The following PZP variants were observed in gnomAD, a reference collection of about 807,000 sequenced individuals.
PZP encodes the protein PZP alpha-2-macroglobulin like.
PZP carries 150 observed loss-of-function variants against 179.8 expected under a neutral mutation model. The observed-to-expected ratio is 0.83, with a 90% confidence interval of 0.73 to 0.96. The LOEUF is 0.96. Ranked by LOEUF, PZP falls within the 40% of genes least tolerant of loss-of-function variation. PZP has a pLI of 0.00. For missense variants in PZP, 1,689 were observed against 1,764.0 expected (o/e 0.96, Z 0.76); for synonymous variants, 624 against 652.3 (o/e 0.96, Z 0.66).
At chr12:9,161,308 T>C (rs900903631) in intron 22 of PZP, among the ~76,000 whole-genome samples, 192 bp from the exon 23 acceptor site, 5 of 152,232 alleles carry the variant, frequency 3.3e-5, no homozygotes, top group Non-Finnish European at 5.9e-5. Context: ...ATCTGCAACA[T>C]ATTCAATTTC....
At chr12:9,182,628 T>C (rs1942843255) in intron 13 of PZP, among the ~76,000 whole-genome samples, 1 of 152,216 alleles carries the variant, frequency 6.6e-6, no homozygotes, top group South Asian at 2.1e-4. Context: ...TAAACTCTTA[T>C]AAGTACATTG....
At chr12:9,169,646 A>G in intron 15 of PZP, 55 bp from the exon 16 acceptor site, 3 of 1,450,674 alleles carry the variant, frequency 2.1e-6, no homozygotes, top group Non-Finnish European at 2.8e-6. Flanking sequence ...CTTTTGAAAT[A>G]GAATGAACTG....
Position 9,150,627 on chromosome 12 carries a change from A to G in PZP, c.4384+17T>C. The G allele has an allele frequency of 6.5e-7, 1 of 1,534,132 alleles. No individual in the cohort carries two copies. Among genetic ancestry groups the G allele is most frequent in the African/African-American group, 1.4e-5 (1 of 73,004 alleles). On this transcript the variant is annotated intron_variant, in intron 34 of 35. Coordinates refer to ENST00000261336, the MANE Select transcript of PZP (RefSeq NM_002864.3). ...TCTTGGCTCTGGTTAAGATTGTTTC[A>G]TTTTTCTTTCACTCACCTGTCTCAT...
At chr12:9,138,116 T>C in the PZP span, among the ~76,000 whole-genome samples, 230 of 152,168 alleles carry the variant, frequency 1.5e-3, 1 homozygote, top group Admixed American at 2.8e-3. Context: ...GGAAAAGCTT[T>C]CAACTTTTCA....
At chr12:9,182,174 A>C in intron 13 of PZP, 57 bp from the exon 14 acceptor site, 1 of 166,776 alleles carries the variant, frequency 6.0e-6, no homozygotes, top group Non-Finnish European at 9.5e-6. Flanking sequence ...AAGGTCATAA[A>C]AATAGTGTCA....
intron 28 of PZP, chr12:9,155,956 C>A: frequency 6.2e-6 from 1 of 161,552 alleles, no homozygotes; most frequent in South Asian, 1.8e-4. Flanking sequence ...GCAGAGGCAG[C>A]ATGCCATATG....
At chr12:9,202,233 C>T (rs1944204109) in intron 4 of PZP, 86 bp downstream of exon 4, 1 of 1,237,630 alleles carries the variant, frequency 8.1e-7, no homozygotes, top group Non-Finnish European at 1.2e-6. Context: ...CTTTCATCCT[C>T]TCGCTTTTCT....
rs780071445 is a variant in PZP, at chr12:9,170,560, C to T, written c.1840-969G>A. Among the ~76,000 whole-genome samples the T allele has an allele frequency of 2.0e-5, 3 of 152,182 alleles. No individual in the cohort carries two copies. Among genetic ancestry groups the T allele is most frequent in the South Asian group, 2.1e-4 (1 of 4,820 alleles). On this transcript the variant is annotated intron_variant, in intron 15 of 35. Transcript: ENST00000261336. This position sits in a 1 kb window ranked among gnomAD's most constrained non-coding sequence, Gnocchi z 4.6. ...CTGTCTTGGAATCTCAGCCAGCCGA[C>T]GGCAGTGGGTTGGAGTCCACCTGAG...
At position 9,203,758 on chromosome 12, in the gene PZP, T is replaced by C; in HGVS notation, c.267+10A>G. The C allele has an allele frequency of 1.2e-6, 2 of 1,613,834 alleles. No homozygotes were observed. Among genetic ancestry groups the C allele is most frequent in the East Asian group, 2.2e-5 (1 of 44,852 alleles). On this transcript the variant is annotated intron_variant, in intron 2 of 35. Transcript: ENST00000261336. ...AAGCAGGGATAGCCAGCTGGCACCG[T>C]AGCACTCACAGTGAAGGAGACACAG...
chr12:9,164,100 G>C (rs773802425), intron 20 of PZP, 33 bp downstream of exon 20: 2 of 1,588,764 alleles, frequency 1.3e-6, no homozygotes, highest in East Asian at 4.5e-5. Flanking sequence ...CGTCCTTGTT[G>C]ATTGATAGGC....
intron 29 of PZP, among the ~76,000 whole-genome samples, 190 bp downstream of exon 29, chr12:9,154,426 T>A (rs1272824861): frequency 6.6e-6 from 1 of 152,218 alleles, no homozygotes; most frequent in Non-Finnish European, 1.5e-5. Flanking sequence ...TATATTAACA[T>A]AGGGCTTAGT....
At chr12:9,177,317 G>C (rs1942446370) in intron 15 of PZP, among the ~76,000 whole-genome samples, 1 of 152,202 alleles carries the variant, frequency 6.6e-6, no homozygotes, top group Admixed American at 6.5e-5. Flanking sequence ...TGTGTGGTGA[G>C]GAACTGAGGC....
chr12:9,157,950 C>A (rs761388052), intron 26 of PZP, 109 bp from the exon 27 acceptor site: 4 of 934,102 alleles, frequency 4.3e-6, no homozygotes, highest in Non-Finnish European at 6.7e-6. Context: ...CAAAGTATAC[C>A]ATTTCCTTCT....
intron 15 of PZP, among the ~76,000 whole-genome samples, chr12:9,178,410 T>C (rs768357792): frequency 6.6e-6 from 1 of 152,278 alleles, no homozygotes; most frequent in South Asian, 2.1e-4. Flanking sequence ...GTCACCCTTA[T>C]TTTACTTCAT....
intron 35 of PZP, 142 bp downstream of exon 35, chr12:9,149,419 C>T (rs1241281122): frequency 5.3e-6 from 4 of 760,832 alleles, no homozygotes; most frequent in Non-Finnish European, 8.3e-6. Flanking sequence ...GCATGCTACG[C>T]CACAGTTTTG....
At chr12:9,159,248 A>G (rs1185441832) in intron 25 of PZP, among the ~76,000 whole-genome samples, 1 of 152,164 alleles carries the variant, frequency 6.6e-6, no homozygotes, top group Non-Finnish European at 1.5e-5. Flanking sequence ...GTCTGGGTAT[A>G]TTGGATTAAA....
intron 15 of PZP, among the ~76,000 whole-genome samples, chr12:9,171,496 G>A (rs1043746479): frequency 6.6e-6 from 1 of 152,194 alleles, no homozygotes; most frequent in Non-Finnish European, 1.5e-5. Context: ...GCACAGAACC[G>A]GGCTGAGGCT....
rs1944546851 is a variant in PZP at position 9,208,381 on chromosome 12, C to T, written c.-40G>A. The T allele has an allele frequency of 1.9e-6, 3 of 1,551,240 alleles. No individual in the cohort carries two copies. The highest frequency in any genetic ancestry group is 2.2e-5 in the South Asian group (2 of 89,266). On this transcript the variant is annotated 5_prime_UTR_variant, in exon 1 of 36. Coordinates refer to ENST00000261336, the MANE Select transcript of PZP (RefSeq NM_002864.3). Reference sequence around the variant, plus strand: ...CTCAGGGTTGTGTCCAACTCTCTGCCCTCAGCCTCGCCCTGGAGACCAGCT... The same window carrying T: ...CTCAGGGTTGTGTCCAACTCTCTGCTCTCAGCCTCGCCCTGGAGACCAGCT...
chr12:9,200,364 T>G lies in PZP; in HGVS notation c.755A>C (p.Glu252Ala), dbSNP rs1238468585. The G allele has an allele frequency of 6.3e-7, 1 of 1,590,388 alleles. No individual in the cohort carries two copies. Among genetic ancestry groups the G allele is most frequent in the South Asian group, 1.1e-5 (1 of 88,866 alleles). The part of the protein sequence containing the change: ...DEKVNITVCG[E>A]YTYGKPVPGL... ...TTTAGATAAAAACAATGTAACTCAC[T>G]CTCCACAGACTGTTATGTTCACTTT... Residue 252 changes from glutamate to alanine, a missense_variant and splice_region_variant, in exon 7 of 36, where the codon GAA becomes GCA. Coordinates refer to ENST00000261336, the MANE Select transcript of PZP (RefSeq NM_002864.3).
Sources: allele counts gnomAD v4.1 joint callset (sites outside exome capture counted in the v4.1 genomes callset), GRCh38; gene constraint gnomAD v4.1.1; non-coding constraint Gnocchi (gnomAD v3.1); transcripts MANE v1.5; gene names NCBI Gene and HGNC (gene_info 2026-07-23, HGNC 2026-07-21).